The following GALNT17 variants were observed in gnomAD, a reference collection of about 807,000 sequenced individuals.
GALNT17 encodes polypeptide N-acetylgalactosaminyltransferase 17.
In GALNT17, 29 loss-of-function variants were observed where a neutral mutation model predicts 63.7. That is an observed-to-expected ratio of 0.46 (90% CI 0.34 to 0.62). GALNT17 has a LOEUF of 0.62. GALNT17 is among the 20% of genes least tolerant of loss of function. The probability of loss-of-function intolerance (pLI) is 0.01; values close to 1 mark genes in which losing one functional copy is unlikely to be tolerated. For synonymous variants in GALNT17, 305 were observed against 318.3 expected, an observed-to-expected ratio of 0.96 and a Z score of 0.45; for missense variants, 603 against 799.6, an observed-to-expected ratio of 0.75 and a Z score of 2.97.
intron 1 of GALNT17, among the ~76,000 whole-genome samples, chr7:71,148,425 T>C (rs1447616426): frequency 6.6e-6 from 1 of 152,168 alleles, no homozygotes; most frequent in Non-Finnish European, 1.5e-5. Context: ...GGCTCCTACA[T>C]GTGAGCCAGG....
intron 5 of GALNT17, among the ~76,000 whole-genome samples, chr7:71,501,386 T>A (rs867769075): frequency 2.6e-5 from 4 of 152,094 alleles, no homozygotes; most frequent in African/African-American, 9.7e-5. Flanking sequence ...AGCCTCAGCC[T>A]CCCGAGTAGC....
At chr7:71,520,741 C>T (rs144965505) in intron 5 of GALNT17, among the ~76,000 whole-genome samples, 78 of 152,132 alleles carry the variant, frequency 5.1e-4, no homozygotes, top group Middle Eastern at 3.4e-3. Context: ...GGAAAGATTA[C>T]TAGGCTTGAG....
chr7:71,377,741 A>G (rs1420578685), intron 2 of GALNT17, among the ~76,000 whole-genome samples: 1 of 152,178 alleles, frequency 6.6e-6, no homozygotes, highest in African/African-American at 2.4e-5. Context: ...TGATTGGATC[A>G]TGGGGGCAGT....
At chr7:71,188,307 G>A (rs1788890849) in intron 1 of GALNT17, among the ~76,000 whole-genome samples, 2 of 152,150 alleles carry the variant, frequency 1.3e-5, no homozygotes, top group Admixed American at 6.5e-5. Flanking sequence ...TCTCCACACC[G>A]TTTTCCATGG....
chr7:71,603,073 G>A (rs182679732), intron 6 of GALNT17, among the ~76,000 whole-genome samples: 1 of 152,222 alleles, frequency 6.6e-6, no homozygotes, highest in East Asian at 1.9e-4. Context: ...ACTATGCTAA[G>A]TGCATACACC....
At chr7:71,675,318 A>ACC (rs1270106733) in intron 8 of GALNT17, among the ~76,000 whole-genome samples, 1 of 152,234 alleles carries the variant, frequency 6.6e-6, no homozygotes, top group African/African-American at 2.4e-5. Context: ...AGTGCCAGGC[A>ACC]CTTACCAGGC....
chr7:71,404,200 T>C (rs73362012), intron 3 of GALNT17, among the ~76,000 whole-genome samples: 6,896 of 152,276 alleles, frequency 0.045, 558 homozygotes, highest in African/African-American at 0.16. Flanking sequence ...GCAGTAGAGA[T>C]GAATTTCTCA....
chr7:71,411,961 G>A (rs1009341049), intron 3 of GALNT17, among the ~76,000 whole-genome samples: 4 of 152,124 alleles, frequency 2.6e-5, no homozygotes, highest in Non-Finnish European at 4.4e-5. Flanking sequence ...ATAATGCTTC[G>A]GAACTGGTGT....
chr7:71,448,777 A>G (rs1563100841), intron 5 of GALNT17, among the ~76,000 whole-genome samples: 1 of 151,994 alleles, frequency 6.6e-6, no homozygotes. Flanking sequence ...TCAATTCCAA[A>G]CTCATCAAGT....
At chr7:71,152,113 C>T (rs1010371137) in intron 1 of GALNT17, among the ~76,000 whole-genome samples, 1 of 151,940 alleles carries the variant, frequency 6.6e-6, no homozygotes. Context: ...TTTCTGCGTG[C>T]CTACCCGTCT....
At chr7:71,231,193 G>A (rs1789781621) in intron 1 of GALNT17, among the ~76,000 whole-genome samples, 1 of 150,722 alleles carries the variant, frequency 6.6e-6, no homozygotes, top group Admixed American at 6.6e-5. Context: ...AATTTCATCT[G>A]TCCATGGTTC....
At chr7:71,459,624 C>A (rs1787416911) in intron 5 of GALNT17, among the ~76,000 whole-genome samples, 1 of 152,098 alleles carries the variant, frequency 6.6e-6, no homozygotes, top group Non-Finnish European at 1.5e-5. Flanking sequence ...AGAAGAAAGT[C>A]AAAATATTTT....
chr7:71,497,022 G>A (rs1215008795), intron 5 of GALNT17, among the ~76,000 whole-genome samples: 1 of 152,128 alleles, frequency 6.6e-6, no homozygotes, highest in East Asian at 1.9e-4. Context: ...AGGCTGCAGT[G>A]AGCTATGATC....
At chr7:71,376,362 C>G (rs1267746549) in intron 2 of GALNT17, among the ~76,000 whole-genome samples, 1 of 145,754 alleles carries the variant, frequency 6.9e-6, no homozygotes, top group Non-Finnish European at 1.5e-5. Flanking sequence ...TTAATTTACC[C>G]TTAATTGTTT....
intron 6 of GALNT17, among the ~76,000 whole-genome samples, chr7:71,605,584 CAAA>C (rs527929802): frequency 4.3e-5 from 4 of 93,944 alleles, no homozygotes; most frequent in Admixed American, 1.3e-4. Context: ...GACTCCATCT[CAAA>C]AAAAAAAAAA....
At chr7:71,599,787 A>G (rs1207134195) in intron 6 of GALNT17, among the ~76,000 whole-genome samples, 4 of 152,056 alleles carry the variant, frequency 2.6e-5, no homozygotes, top group Non-Finnish European at 5.9e-5. Context: ...TAATTGCACT[A>G]TTGCAATTGT....
intron 3 of GALNT17, among the ~76,000 whole-genome samples, chr7:71,402,564 A>G (rs1793258970): frequency 1.3e-5 from 2 of 152,030 alleles, no homozygotes; most frequent in South Asian, 4.1e-4. Context: ...CATCACCATC[A>G]TTTGAGTTTC....
chr7:71,193,784 T>C lies in GALNT17; in HGVS notation c.238+60744T>C, dbSNP rs1443324334. Among the ~76,000 whole-genome samples the C allele has an allele frequency of 9.8e-5, 15 of 152,288 alleles. No homozygotes were observed. In the East Asian group the frequency reaches 2.9e-3, roughly 29 times the overall value. The stretch of plus-strand genomic sequence containing the variant: ...ATTTCATTGATTTCCTTTTTGCTTC[T>C]TTTATAAAAGGAAAGAATGAAAGCT... On this transcript the variant is annotated intron_variant, in intron 1 of 10. Transcript: ENST00000333538.
At chr7:71,448,684 T>C (rs973668108) in intron 5 of GALNT17, among the ~76,000 whole-genome samples, 19 of 152,224 alleles carry the variant, frequency 1.2e-4, no homozygotes, top group Non-Finnish European at 2.8e-4. Context: ...ACAAAAGGCA[T>C]GTATATCTTG....
Sources: gnomAD v4.1 joint callset for allele counts (sites outside exome capture counted in the v4.1 genomes callset) on GRCh38, gnomAD v4.1.1 for gene constraint, MANE v1.5 for transcripts, NCBI Gene and HGNC (gene_info 2026-07-23, HGNC 2026-07-21) for gene names.